Variants in RIPOR2 observed in about 807,000 individuals in gnomAD.
RIPOR2 encodes RHO family interacting cell polarization regulator 2.
A neutral mutation model predicts 114.5 loss-of-function variants in RIPOR2; 39 were observed. The ratio of observed to expected loss-of-function variants is 0.34; its 90% CI spans 0.26 to 0.44. The LOEUF (loss-of-function observed/expected upper bound fraction) is 0.44. Ranked by LOEUF, RIPOR2 falls within the 20% of genes least tolerant of loss-of-function variation. The probability of loss-of-function intolerance (pLI) is 1.00; values close to 1 mark genes in which losing one functional copy is unlikely to be tolerated. For missense variants in RIPOR2, 1,007 were observed against 1,255.1 expected, an observed-to-expected ratio of 0.80 and a Z score of 2.99; for synonymous variants, 445 against 484.4, an observed-to-expected ratio of 0.92 and a Z score of 1.07.
chr6:25,024,220 G>A, intron 1 of RIPOR2: 1 of 1,512,498 alleles, frequency 6.6e-7, no homozygotes, highest in Admixed American at 1.7e-5. Context: ...GTGCCCAGGA[G>A]GTAGCGGTCC....
rs79786477 is a variant in RIPOR2, at chr6:24,997,042, C to A, written c.76+44809G>T. ...GTGTTCCTTCTCAATCTCACAGTTT[C>A]AAATGTGAATTACTAACTAGCGAGG... On this transcript the variant is annotated intron_variant, in intron 1 of 13. Coordinates refer to the RIPOR2 transcript ENST00000510784. Among the ~76,000 whole-genome samples, 260 of 152,322 alleles carry A rather than the reference C, an allele frequency of 1.7e-3. 3 individuals carry two copies. The East Asian group carries it at 0.017, about 10-fold the overall frequency.
intron 1 of RIPOR2, among the ~76,000 whole-genome samples, chr6:24,943,482 A>T (rs1485981055): frequency 6.9e-6 from 1 of 144,608 alleles, no homozygotes; most frequent in Non-Finnish European, 1.5e-5. Context: ...CCTAAAACTT[A>T]AAGTATAATA....
At chr6:24,831,915 C>A (rs986248985) in intron 16 of RIPOR2, among the ~76,000 whole-genome samples, 1 of 152,168 alleles carries the variant, frequency 6.6e-6, no homozygotes, top group African/African-American at 2.4e-5. Context: ...GTCTTAGCCA[C>A]CTCCAGGGTG....
chr6:24,955,393 C>G (rs1195198665), intron 1 of RIPOR2, among the ~76,000 whole-genome samples: 2 of 152,074 alleles, frequency 1.3e-5, no homozygotes, highest in Non-Finnish European at 2.9e-5. Flanking sequence ...CATCTGAGCC[C>G]TGGGGGACAG....
chr6:24,932,837 G>A (rs943947854), intron 1 of RIPOR2, among the ~76,000 whole-genome samples: 1 of 152,152 alleles, frequency 6.6e-6, no homozygotes, highest in African/African-American at 2.4e-5. Context: ...TGTGCCAAAA[G>A]CTTTCTGCTT....
chr6:25,004,796 T>G (rs1271245992), intron 1 of RIPOR2, among the ~76,000 whole-genome samples: 5 of 152,108 alleles, frequency 3.3e-5, no homozygotes, highest in Non-Finnish European at 7.3e-5. Flanking sequence ...TGTGTTTGTA[T>G]GTATGTGTGC....
chr6:25,002,540 A>G (rs1775367576), intron 1 of RIPOR2, among the ~76,000 whole-genome samples: 1 of 152,224 alleles, frequency 6.6e-6, no homozygotes, highest in African/African-American at 2.4e-5. Flanking sequence ...TACTTCCTGC[A>G]CGTTTCCATA....
intron 1 of RIPOR2, among the ~76,000 whole-genome samples, chr6:24,990,852 C>T (rs769683312): frequency 3.9e-5 from 6 of 152,140 alleles, no homozygotes; most frequent in African/African-American, 1.4e-4. Context: ...TAAATATACA[C>T]GAGGCACTTG....
At chr6:24,997,542 G>A (rs1775100922) in intron 1 of RIPOR2, among the ~76,000 whole-genome samples, 1 of 152,082 alleles carries the variant, frequency 6.6e-6, no homozygotes, top group Non-Finnish European at 1.5e-5. Flanking sequence ...CTTGATTGTG[G>A]GAGGCTGTCC....
chr6:24,860,067 G>A (rs1018069805), intron 8 of RIPOR2, among the ~76,000 whole-genome samples: 1 of 152,146 alleles, frequency 6.6e-6, no homozygotes, highest in Non-Finnish European at 1.5e-5. Context: ...ACCAGACTTC[G>A]TTTTTGTTCT....
In RIPOR2 at chr6:25,024,671, C is replaced by G. The variant is rs185179660; in HGVS notation, c.76+17180G>C. Among the ~76,000 whole-genome samples, 642 of 152,242 alleles carry G rather than the reference C, an allele frequency of 4.2e-3. 1 individual carries two copies. Among genetic ancestry groups the G allele is most frequent in the Middle Eastern group, 6.8e-3 (2 of 294 alleles). On this transcript the variant is annotated intron_variant, in intron 1 of 13. Coordinates refer to the RIPOR2 transcript ENST00000510784. ...GTGTGGCCCCAGACTGACAACTGAC[C>G]CTCAAAGAGGAAGGAAAGCCCTCAC...
At chr6:24,865,123 T>C (rs376899084) in intron 7 of RIPOR2, among the ~76,000 whole-genome samples, 178 bp downstream of exon 7, 1 of 152,166 alleles carries the variant, frequency 6.6e-6, no homozygotes, top group Admixed American at 6.6e-5. Context: ...TATTCATTCA[T>C]TTTAAGCAAT....
At chr6:24,855,272 CAT>C (rs1325121003) in intron 8 of RIPOR2, among the ~76,000 whole-genome samples, 1 of 151,998 alleles carries the variant, frequency 6.6e-6, no homozygotes, top group Non-Finnish European at 1.5e-5. Context: ...AAAAAGATCA[CAT>C]ACCTTGGCAG....
chr6:24,883,004 CAA>C lies in RIPOR2; in HGVS notation c.62-7189_62-7188del, dbSNP rs1468269945. ...GAGACCAGGGCTTTTCTATGGGAAA[CAA>C]GAGACCACGTGATCATTTGTGCATG... On this transcript the variant is annotated intron_variant, in intron 1 of 21. Coordinates refer to ENST00000643898, the MANE Select transcript of RIPOR2 (RefSeq NM_001286445.3). The surrounding 1 kb of genome is among the most constrained non-coding windows in gnomAD (Gnocchi z 4.1). Among the ~76,000 whole-genome samples, 2 of 152,190 alleles carry C rather than the reference CAA, an allele frequency of 1.3e-5. No homozygotes were observed. Among genetic ancestry groups the C allele is most frequent in the Non-Finnish European group, 2.9e-5 (2 of 68,034 alleles).
chr6:24,977,796 A>G (rs1774131559), intron 1 of RIPOR2, among the ~76,000 whole-genome samples: 1 of 152,150 alleles, frequency 6.6e-6, no homozygotes, highest in African/African-American at 2.4e-5. Flanking sequence ...TAGTCATCAG[A>G]ATTTCCAAAA....
rs34057286 is a variant in RIPOR2, at chr6:25,005,694, G to GATATATAT, written c.76+36149_76+36156dup. On this transcript the variant is annotated intron_variant, in intron 1 of 13. Transcript: ENST00000510784. ...GTTTCAAAAATAAAATCCCTATGGA[G>GATATATAT]ATATATATATATATATATATATATA... Among the ~76,000 whole-genome samples, 61 of 45,368 alleles carry GATATATAT rather than the reference G, an allele frequency of 1.3e-3. 1 individual carries two copies. The highest frequency in any genetic ancestry group is 1.5e-3 in the African/African-American group (29 of 19,052). 29.8% of individuals were successfully genotyped at this position (45,368 alleles called of 152,430 possible).
chr6:24,966,393 T>C (rs1258229735), intron 1 of RIPOR2, among the ~76,000 whole-genome samples: 1 of 152,226 alleles, frequency 6.6e-6, no homozygotes, highest in Non-Finnish European at 1.5e-5. Flanking sequence ...TTCTTATTAA[T>C]ATGATATTAA....
chr6:24,952,996 C>G (rs1220595493), intron 1 of RIPOR2, among the ~76,000 whole-genome samples: 1 of 152,124 alleles, frequency 6.6e-6, no homozygotes, highest in Non-Finnish European at 1.5e-5. Flanking sequence ...ATATAGAAGT[C>G]CTAATCCCCA....
intron 1 of RIPOR2, among the ~76,000 whole-genome samples, chr6:24,952,769 G>A (rs573901441): frequency 6.6e-6 from 1 of 152,320 alleles, no homozygotes; most frequent in Non-Finnish European, 1.5e-5. Context: ...GGTATGTGCT[G>A]ACTCCAGCAC....
Sources: gnomAD v4.1 joint callset for allele counts (sites outside exome capture counted in the v4.1 genomes callset) on GRCh38, gnomAD v4.1.1 for gene constraint, Gnocchi (gnomAD v3.1) non-coding constraint, MANE v1.5 for transcripts, NCBI Gene and HGNC (gene_info 2026-07-23, HGNC 2026-07-21) for gene names.